The following A1CF variants were observed in gnomAD, a reference collection of about 807,000 sequenced individuals.
A1CF encodes APOBEC-1 stimulating protein.
Under a neutral mutation model 68.9 loss-of-function variants are expected in A1CF, and 48 were observed. The ratio of observed to expected loss-of-function variants is 0.70; its 90% CI spans 0.55 to 0.89. The LOEUF is 0.89. Ranked by LOEUF, A1CF falls within the 40% of genes least tolerant of loss-of-function variation. The pLI is 0.00. For synonymous variants in A1CF, 272 were observed against 260.4 expected, an observed-to-expected ratio of 1.04 and a Z score of -0.43; for missense variants, 653 against 718.9, an observed-to-expected ratio of 0.91 and a Z score of 1.05.
chr10:50,800,155 T>C lies in A1CF; in HGVS notation c.*6574A>G, dbSNP rs1837541931. On this transcript the variant is annotated 3_prime_UTR_variant, in exon 13 of 13. Coordinates refer to ENST00000373997, the MANE Select transcript of A1CF (RefSeq NM_014576.4). ...AAACAGAAATAGTTAATGGCCAAAATGTTTTCAAGTAAATAAAATGTATAG... is the reference window on the plus strand; with the variant it reads ...AAACAGAAATAGTTAATGGCCAAAACGTTTTCAAGTAAATAAAATGTATAG... 6.6e-6 allele frequency: 1 copy of C among 152,130 alleles called. No individual in the cohort carries two copies. The highest frequency in any genetic ancestry group is 2.1e-4 in the South Asian group (1 of 4,838). 9.4% of individuals were successfully genotyped at this position (152,130 alleles called of 1,614,324 possible). A position where few individuals can be genotyped will look rare whatever the true frequency, so the allele number is the denominator to read the frequency against.
chr10:50,835,997 T>C, intron 6 of A1CF, 77 bp downstream of exon 6: 2 of 1,375,208 alleles, frequency 1.5e-6, no homozygotes, highest in Non-Finnish European at 2.0e-6. Flanking sequence ...CCAAAAAAAA[T>C]TAAAAATGCT....
intron 7 of A1CF, among the ~76,000 whole-genome samples, chr10:50,821,676 C>T (rs1391823358): frequency 1.3e-5 from 2 of 151,978 alleles, no homozygotes; most frequent in African/African-American, 4.8e-5. Context: ...GCTGGGATTA[C>T]AGGCATGCAT....
At chr10:50,877,526 G>A (rs1368681609) in intron 1 of A1CF, among the ~76,000 whole-genome samples, 1 of 152,140 alleles carries the variant, frequency 6.6e-6, no homozygotes, top group Admixed American at 6.5e-5. Flanking sequence ...AAAGCTCTGT[G>A]TTACAGTGGC....
chr10:50,868,917 T>C (rs1045527400), intron 1 of A1CF, among the ~76,000 whole-genome samples: 3 of 152,072 alleles, frequency 2.0e-5, no homozygotes, highest in African/African-American at 2.4e-5. Context: ...TTCTCACATA[T>C]AAGTGGGAGC....
intron 6 of A1CF, chr10:50,828,511 C>T (rs922927459): frequency 1.9e-5 from 7 of 377,544 alleles, no homozygotes; most frequent in South Asian, 9.8e-5. Flanking sequence ...TTATAACTAT[C>T]GATTATAAAG....
At chr10:50,870,395 A>C (rs1841201828) in intron 1 of A1CF, among the ~76,000 whole-genome samples, 1 of 151,936 alleles carries the variant, frequency 6.6e-6, no homozygotes, top group South Asian at 2.1e-4. Context: ...TGTAGTAGTA[A>C]ATTAGCATTC....
Position 50,799,900 on chromosome 10 carries a change from A to T in A1CF, c.*6829T>A, listed in dbSNP as rs1237449677. The T allele has an allele frequency of 6.6e-6, 1 of 152,190 alleles. No homozygotes were observed. Among genetic ancestry groups the T allele is most frequent in the Admixed American group, 6.5e-5 (1 of 15,272 alleles). The allele number at this position is 152,190 out of a possible 1,614,324, so 9.4% of individuals were successfully genotyped here. A position where few individuals can be genotyped will look rare whatever the true frequency, so the allele number is the denominator to read the frequency against. On this transcript the variant is annotated 3_prime_UTR_variant, in exon 13 of 13. Coordinates refer to ENST00000373997, the MANE Select transcript of A1CF (RefSeq NM_014576.4). Reference sequence around the variant, plus strand: ...ATTCTCTGAAGGAATAAGAATAAAAATTCCAATGGTTACATTAAATATTTA... The same window carrying T: ...ATTCTCTGAAGGAATAAGAATAAAATTTCCAATGGTTACATTAAATATTTA...
intron 3 of A1CF, among the ~76,000 whole-genome samples, chr10:50,854,433 C>T (rs1228538537): frequency 6.6e-6 from 1 of 151,790 alleles, no homozygotes; most frequent in Non-Finnish European, 1.5e-5. Context: ...ATTAATATTA[C>T]ATTGGATATT....
At chr10:50,841,574 C>A (rs1273843580) in intron 5 of A1CF, among the ~76,000 whole-genome samples, 1 of 152,072 alleles carries the variant, frequency 6.6e-6, no homozygotes, top group Non-Finnish European at 1.5e-5. Context: ...GAAATTATAC[C>A]TTGATATATT....
Position 50,802,233 on chromosome 10 carries a change from A to G in A1CF, c.*4496T>C, listed in dbSNP as rs1161072309. The G allele has an allele frequency of 6.6e-6, 1 of 152,206 alleles. No homozygotes were observed. The highest frequency in any genetic ancestry group is 1.9e-4 in the East Asian group (1 of 5,200). The allele number at this position is 152,206 out of a possible 1,614,324, so 9.4% of individuals were successfully genotyped here. On this transcript the variant is annotated 3_prime_UTR_variant, in exon 13 of 13. Coordinates refer to ENST00000373997, the MANE Select transcript of A1CF (RefSeq NM_014576.4). ...GGTAGATACATTACACTTTCTATGA[A>G]TATGTTCTAGTAAAATTCAGAGCAT...
intron 5 of A1CF, among the ~76,000 whole-genome samples, 185 bp downstream of exon 5, chr10:50,841,677 A>G (rs1839784528): frequency 6.6e-6 from 1 of 152,224 alleles, no homozygotes; most frequent in South Asian, 2.1e-4. Context: ...TTAGTTTGGT[A>G]TTCATATAGT....
chr10:50,862,302 G>T (rs1840784347), intron 2 of A1CF, among the ~76,000 whole-genome samples: 1 of 151,962 alleles, frequency 6.6e-6, no homozygotes, highest in East Asian at 1.9e-4. Context: ...GGAGGTGAAG[G>T]TTGCAGTAAG....
At chr10:50,884,564 T>C (rs1841921726) in intron 1 of A1CF, among the ~76,000 whole-genome samples, 1 of 152,222 alleles carries the variant, frequency 6.6e-6, no homozygotes, top group Non-Finnish European at 1.5e-5. Context: ...GACCAACACA[T>C]TTTTTGATGC....
At chr10:50,875,104 A>G (rs1194577947) in intron 1 of A1CF, among the ~76,000 whole-genome samples, 1 of 152,234 alleles carries the variant, frequency 6.6e-6, no homozygotes, top group Admixed American at 6.5e-5. Context: ...CATGGACCAT[A>G]TACTCACATA....
chr10:50,838,911 G>T (rs757285185), intron 5 of A1CF, among the ~76,000 whole-genome samples: 1 of 152,010 alleles, frequency 6.6e-6, no homozygotes, highest in South Asian at 2.1e-4. Context: ...TGGAATTTTG[G>T]CCAGTAACTT....
chr10:50,808,538 T>C (rs1253040605), intron 12 of A1CF, among the ~76,000 whole-genome samples: 2 of 152,168 alleles, frequency 1.3e-5, no homozygotes, highest in Non-Finnish European at 2.9e-5. Context: ...CCTGAGTAAA[T>C]GGACATGTAA....
intron 6 of A1CF, among the ~76,000 whole-genome samples, chr10:50,833,141 T>C (rs570521132): frequency 1.3e-5 from 2 of 152,334 alleles, no homozygotes; most frequent in South Asian, 4.1e-4. Flanking sequence ...ACATGGGTAC[T>C]CACATTGTTT....
chr10:50,855,732 A>G (rs1054045887), intron 3 of A1CF, among the ~76,000 whole-genome samples: 2 of 151,946 alleles, frequency 1.3e-5, no homozygotes, highest in Non-Finnish European at 2.9e-5. Flanking sequence ...CAAATTCATC[A>G]CCCTCTGTTT....
At chr10:50,823,993 A>G (rs1838797650) in intron 7 of A1CF, 1 of 152,174 alleles carries the variant, frequency 6.6e-6, no homozygotes, top group South Asian at 2.1e-4. Flanking sequence ...AAGATAAACT[A>G]GTTAGCTCTG....
Sources: gnomAD v4.1 joint callset for allele counts (sites outside exome capture counted in the v4.1 genomes callset) on GRCh38, gnomAD v4.1.1 for gene constraint, MANE v1.5 for transcripts, NCBI Gene and HGNC (gene_info 2026-07-23, HGNC 2026-07-21) for gene names.